ERCC1: variants seen among roughly 807,000 people sequenced by gnomAD.
The protein encoded by ERCC1 is DNA excision repair protein ERCC-1.
A neutral mutation model predicts 37.6 loss-of-function variants in ERCC1; 36 were observed. The ratio of observed to expected loss-of-function variants is 0.96; its 90% confidence interval spans 0.73 to 1.26. ERCC1 has a LOEUF of 1.26. Ranked by LOEUF, ERCC1 falls within the 50% of genes most tolerant of loss-of-function variation. ERCC1 has a pLI of 0.00. For missense variants in ERCC1, 349 were observed against 376.5 expected, an observed-to-expected ratio of 0.93 and a Z score of 0.60; for synonymous variants, 156 against 162.1, an observed-to-expected ratio of 0.96 and a Z score of 0.28.
intron 1 of ERCC1, among the ~76,000 whole-genome samples, chr19:45,432,097 G>A (rs377366544): frequency 1.3e-5 from 2 of 151,556 alleles, no homozygotes; most frequent in East Asian, 1.9e-4. Context: ...TCAGCCTCCC[G>A]AGTAGCTGGG....
At chr19:45,443,587 C>T (rs1331750242) in intron 1 of ERCC1, among the ~76,000 whole-genome samples, 1 of 152,172 alleles carries the variant, frequency 6.6e-6, no homozygotes, top group East Asian at 1.9e-4. Context: ...CGGAGAGGAA[C>T]CCGGGAGTCC....
intron 1 of ERCC1, among the ~76,000 whole-genome samples, chr19:45,444,793 CT>C (rs1966893800): frequency 1.3e-5 from 2 of 152,234 alleles, no homozygotes; most frequent in African/African-American, 4.8e-5. Context: ...AGGGACGCCC[CT>C]GATGGCAGAA....
chr19:45,433,400 C>A (rs987503888), intron 1 of ERCC1, among the ~76,000 whole-genome samples: 3 of 151,832 alleles, frequency 2.0e-5, no homozygotes, highest in African/African-American at 7.3e-5. Flanking sequence ...GTGGCATGTG[C>A]CTGGAATCCC....
Position 45,409,460 on chromosome 19 carries a change from C to A in ERCC1, c.*215G>T, listed in dbSNP as rs777786624. The A allele has an allele frequency of 1.2e-6, 2 of 1,612,620 alleles. No individual in the cohort carries two copies. Among genetic ancestry groups the A allele is most frequent in the East Asian group, 4.5e-5 (2 of 44,878 alleles). ...GTCTGGGGAGGAGGCTCCCACAGGC[C>A]GGGACAAGAAGCGGAAGCAGCAGCA... On this transcript the variant is annotated 3_prime_UTR_variant, in exon 10 of 10. Transcript: ENST00000300853.
chr19:45,428,079 C>CTT (rs1974741086), upstream of ERCC1, among the ~76,000 whole-genome samples: 1 of 125,820 alleles, frequency 7.9e-6, no homozygotes, highest in African/African-American at 4.1e-5. Flanking sequence ...TTCTTTCTTT[C>CTT]TTTCTTTTTT....
chr19:45,433,513 G>A (rs1974889069), intron 1 of ERCC1, among the ~76,000 whole-genome samples: 1 of 150,228 alleles, frequency 6.7e-6, no homozygotes, highest in Non-Finnish European at 1.5e-5. Flanking sequence ...GTAACAGAGT[G>A]AGAGTCCATC....
At chr19:45,424,134 C>T (rs1974608751), upstream of ERCC1, 1 of 876,256 alleles carries the variant, frequency 1.1e-6, no homozygotes, top group African/African-American at 1.8e-5. Flanking sequence ...CGCAGGAGAT[C>T]CAACTTGGTC....
intron 1 of ERCC1, among the ~76,000 whole-genome samples, chr19:45,440,261 A>C (rs1599862573): frequency 8.5e-6 from 1 of 117,196 alleles, no homozygotes. Context: ...GATGTCCCCC[A>C]CTGGTACTCA....
chr19:45,422,937 G>A (rs1289945500), intron 2 of ERCC1, among the ~76,000 whole-genome samples: 2 of 152,130 alleles, frequency 1.3e-5, no homozygotes, highest in Non-Finnish European at 2.9e-5. Context: ...TATGTCTAAA[G>A]TGTAGATTTT....
chr19:45,415,758 C>T (rs1974034719), intron 6 of ERCC1: 3 of 455,762 alleles, frequency 6.6e-6, no homozygotes, highest in South Asian at 1.5e-5. Flanking sequence ...TTTCTGGCTA[C>T]AGGCCAGCTC....
chr19:45,409,253 G>A lies in ERCC1; in HGVS notation c.*422C>T, dbSNP rs774178467. On this transcript the variant is annotated 3_prime_UTR_variant, in exon 10 of 10. Transcript: ENST00000300853. ...CACCAAGAAGAAGAAGAAGAAGAAA[G>A]AGAGAGGTCACACAGTGACTGAGCC... 1.2e-6 allele frequency: 2 copies of A among 1,613,446 alleles called. No individual in the cohort carries two copies. Among genetic ancestry groups the A allele is most frequent in the South Asian group, 1.1e-5 (1 of 91,014 alleles).
intron 1 of ERCC1, chr19:45,436,529 G>A (rs1974982807): frequency 6.6e-6 from 1 of 152,268 alleles, no homozygotes; most frequent in East Asian, 1.9e-4. Flanking sequence ...GTGAGGCTGA[G>A]GCAGGAGAAT....
intron 2 of ERCC1, among the ~76,000 whole-genome samples, chr19:45,422,518 A>G (rs908186685): frequency 1.3e-5 from 2 of 151,992 alleles, no homozygotes; most frequent in African/African-American, 4.8e-5. Flanking sequence ...ATGCCTGTAC[A>G]TCCCAGCACT....
intron 1 of ERCC1, among the ~76,000 whole-genome samples, chr19:45,441,991 T>A (rs1017885097): frequency 2.7e-5 from 4 of 147,554 alleles, no homozygotes; most frequent in African/African-American, 1.1e-4. Context: ...ACTTTTTTTT[T>A]ATTTTATTTT....
upstream of ERCC1, chr19:45,428,898 G>A (rs963115742): frequency 1.3e-5 from 2 of 152,160 alleles, no homozygotes; most frequent in African/African-American, 2.4e-5. Flanking sequence ...TCTATTTATA[G>A]CGCCCGGAGC....
rs146707890 is a variant in ERCC1, at chr19:45,420,910, C to T, written c.321+268G>A. 2.4e-3 allele frequency among the ~76,000 whole-genome samples: 362 copies of T among 152,254 alleles called. 2 individuals are homozygous for T. Among genetic ancestry groups the T allele is most frequent in the African/African-American group, 7.1e-3 (297 of 41,544 alleles). ...AAGTGCTGGGATTACAGGTGTGAGC[C>T]ACCACACCCAGCCTCATTCAGTACA... On this transcript the variant is annotated intron_variant, in intron 3 of 9. Transcript: ENST00000300853. The surrounding 1 kb of genome is among the most constrained non-coding windows in gnomAD (Gnocchi z 4.8).
At chr19:45,410,214 C>G (rs977386229) in intron 9 of ERCC1, 2 of 152,002 alleles carry the variant, frequency 1.3e-5, no homozygotes, top group Non-Finnish European at 2.9e-5. Flanking sequence ...GAGACAGTCT[C>G]CTGGTGTCAC....
chr19:45,419,075 G>C (rs1974237414), intron 5 of ERCC1, 23 bp downstream of exon 5: 4 of 1,507,916 alleles, frequency 2.7e-6, no homozygotes, highest in Non-Finnish European at 3.6e-6. Context: ...GGTGAGGCTG[G>C]CTAGGGAGCA....
intron 7 of ERCC1, chr19:45,414,453 GGCAAGAGAGTGAGACTCC>G (rs1973928740): frequency 8.7e-6 from 3 of 345,146 alleles, no homozygotes; most frequent in Non-Finnish European, 1.7e-5. Flanking sequence ...CTCCAGCCTG[GGCAAGAGAGTGAGACTCC>G]ATCTCAAAAA....
Sources: gnomAD v4.1 joint callset for allele counts (sites outside exome capture counted in the v4.1 genomes callset) on GRCh38, gnomAD v4.1.1 for gene constraint, Gnocchi (gnomAD v3.1) non-coding constraint, MANE v1.5 for transcripts, NCBI Gene and HGNC (gene_info 2026-07-23, HGNC 2026-07-21) for gene names.